The following CD22 variants were observed in gnomAD, a reference collection of about 807,000 sequenced individuals.
CD22 encodes CD22 molecule, also known as B-cell receptor CD22.
Under a neutral mutation model 94.7 loss-of-function variants are expected in CD22, and 51 were observed. The observed-to-expected ratio is 0.54, with a 90% CI of 0.43 to 0.68. The LOEUF (loss-of-function observed/expected upper bound fraction) is 0.68. CD22 is among the 30% of genes least tolerant of loss of function. The pLI is 0.00. For synonymous variants in CD22, 424 were observed against 422.5 expected, an observed-to-expected ratio of 1.00 and a Z score of -0.04; for missense variants, 931 against 1,060.4, an observed-to-expected ratio of 0.88 and a Z score of 1.69.
rs2066913084 is a variant in CD22 at position 35,346,638 on chromosome 19, G to T, written c.2485G>T (p.Gly829Trp). 1.2e-6 allele frequency: 2 copies of T among 1,608,242 alleles called. No homozygotes were observed. Among genetic ancestry groups the T allele is most frequent in the East Asian group, 4.5e-5 (2 of 44,782 alleles). The change falls in exon 14 of 14, where the codon GGG (glycine) becomes TGG (tryptophan). Residue 829 changes from glycine to tryptophan, a missense_variant. Gly to Trp is a radical substitution (Grantham distance 184). Coordinates refer to ENST00000085219, the MANE Select transcript of CD22 (RefSeq NM_001771.4). ...TCATTACTCAGAGCTGATCCAGTTTGGGGTCGGGGAGCGGCCTCAGGCACA... is the reference window on the plus strand; with the variant it reads ...TCATTACTCAGAGCTGATCCAGTTTTGGGTCGGGGAGCGGCCTCAGGCACA... ...GIHYSELIQFGVGERPQAQEN... is the reference protein window; with the variant it reads ...GIHYSELIQFWVGERPQAQEN...
In CD22 at chr19:35,336,301, G is replaced by A. The variant is rs772935945; in HGVS notation, c.678G>A (p.Gly226=). Residue 226 remains glycine (G), a synonymous_variant, in exon 4 of 14, where the codon GGG becomes GGA. Transcript: ENST00000085219. ...CCTGCCAGCTTCAGGATGCAGATGG[G>A]AAGTTCCTCTCCAATGACACGGTGC... The part of the protein sequence containing the change: ...IVTCQLQDAD[G]KFLSNDTVQL... 3.1e-6 allele frequency: 5 copies of A among 1,614,222 alleles called. No individual in the cohort carries two copies. Among genetic ancestry groups the A allele is most frequent in the Non-Finnish European group, 4.2e-6 (5 of 1,180,044 alleles).
At chr19:35,336,726 T>C (rs371943939) in intron 4 of CD22, 1 of 216,212 alleles carries the variant, frequency 4.6e-6, no homozygotes, top group South Asian at 9.2e-5. Context: ...GGTGCAGCAG[T>C]GAGCAAAACT....
chr19:35,337,841 A>C lies in CD22; in HGVS notation c.805A>C (p.Ser269Arg), dbSNP rs1178944511. ...TGTGACCATGACCTGCGAGGTCAGC[A>C]GCAGCAACCCGGAGTACACGACGGT... ...DSVTMTCEVS[S>R]SNPEYTTVSW... Residue 269 changes from serine to arginine, a missense_variant, in exon 5 of 14, where the codon AGC becomes CGC. Transcript: ENST00000085219. This position sits in a 1 kb window ranked among gnomAD's most constrained non-coding sequence, Gnocchi z 4.4. The C allele has an allele frequency of 6.2e-7, 1 of 1,614,014 alleles. No individual in the cohort carries two copies. Among genetic ancestry groups the C allele is most frequent in the South Asian group, 1.1e-5 (1 of 91,074 alleles).
rs2066918483 is a variant in CD22, at chr19:35,346,978, C to T, written c.*281C>T. 1 of 342,102 alleles carries T rather than the reference C, an allele frequency of 2.9e-6. No individual in the cohort carries two copies. 21.2% of individuals were successfully genotyped at this position (342,102 alleles called of 1,614,324 possible). A position where few individuals can be genotyped will look rare whatever the true frequency, so the allele number is the denominator to read the frequency against. Reference sequence around the variant, plus strand: ...ATCTAAATACCTGCCCTGACATGCACACCTCCCCCTGCCCCCACCACGGCC... The same window carrying T: ...ATCTAAATACCTGCCCTGACATGCATACCTCCCCCTGCCCCCACCACGGCC... On this transcript the variant is annotated 3_prime_UTR_variant, in exon 14 of 14. Transcript: ENST00000085219.
At position 35,336,469 on chromosome 19, in the gene CD22, C is replaced by T. The variant is rs532840348; in HGVS notation, c.718+128C>T. On this transcript the variant is annotated intron_variant, in intron 4 of 13. Transcript: ENST00000085219. ...CGGCGGCATCCTCCAGCCCTGGTCA[C>T]GCCGCCTTGTCAGCCCTGGTGTTTC... 68 of 802,628 alleles carry T rather than the reference C, an allele frequency of 8.5e-5. 1 individual carries two copies. In the South Asian group the frequency reaches 1.1e-3, roughly 13 times the overall value. 49.7% of individuals were successfully genotyped at this position (802,628 alleles called of 1,614,324 possible). A position where few individuals can be genotyped will look rare whatever the true frequency, so the allele number is the denominator to read the frequency against.
chr19:35,340,078 C>G (rs1181711380), intron 6 of CD22, among the ~76,000 whole-genome samples: 2 of 152,186 alleles, frequency 1.3e-5, no homozygotes, highest in Admixed American at 1.3e-4. Flanking sequence ...TCCTTGGACC[C>G]TGAGATGTCA....
At position 35,337,951 on chromosome 19, in the gene CD22, G is replaced by A. The variant is rs948647198; in HGVS notation, c.915G>A (p.Gly305=). The change falls in exon 5 of 14, where the codon GGG becomes GGA. Residue 305 remains glycine (G), a synonymous_variant. Transcript: ENST00000085219. The surrounding 1 kb of genome is among the most constrained non-coding windows in gnomAD (Gnocchi z 4.4). The part of the protein sequence containing the change: ...NLREVTKDQS[G]KYCCQVSNDV... ...GCGAAGTGACCAAGGACCAGAGTGG[G>A]AAGTACTGCTGTCAGGTCTCCAATG... The A allele has an allele frequency of 2.5e-6, 4 of 1,614,232 alleles. No homozygotes were observed. Among genetic ancestry groups the A allele is most frequent in the East Asian group, 2.2e-5 (1 of 44,894 alleles).
chr19:35,335,115 TG>T (rs1907218528), intron 3 of CD22, among the ~76,000 whole-genome samples: 1 of 132,542 alleles, frequency 7.5e-6, no homozygotes, highest in East Asian at 2.2e-4. Context: ...GGTGAGGTGG[TG>T]GGAATAGAAC....
chr19:35,345,032 A>G lies in CD22; in HGVS notation c.2133-19A>G, dbSNP rs368084768. On this transcript the variant is annotated intron_variant, in intron 10 of 13. Transcript: ENST00000085219. ...CCTGTGGAGTCCCTGACCCTCACAC[A>G]TGTGCCTTTATTTCTCAGTTGGAAG... 1.2e-6 allele frequency: 2 copies of G among 1,612,678 alleles called. No individual in the cohort carries two copies. The highest frequency in any genetic ancestry group is 1.7e-5 in the Admixed American group (1 of 59,984).
At chr19:35,334,364 C>G (rs56168913) in intron 3 of CD22, among the ~76,000 whole-genome samples, 3 of 151,812 alleles carry the variant, frequency 2.0e-5, no homozygotes, top group Non-Finnish European at 4.4e-5. Context: ...CCAAATGTAA[C>G]TAATCATGCA....
chr19:35,335,077 C>CAA (rs35391333), intron 3 of CD22, among the ~76,000 whole-genome samples: 165 of 73,270 alleles, frequency 2.3e-3, no homozygotes, highest in African/African-American at 3.8e-3. Flanking sequence ...GACTCTGTCT[C>CAA]AAAAAAAAAA....
intron 3 of CD22, among the ~76,000 whole-genome samples, chr19:35,334,874 C>T (rs967569955): frequency 6.6e-6 from 1 of 151,618 alleles, no homozygotes; most frequent in Non-Finnish European, 1.5e-5. Context: ...GTCAGGAGAT[C>T]GAGACCATCC....
rs749531319 is a variant in CD22 at position 35,338,495 on chromosome 19, G to A, written c.1249+64G>A. 7.9e-4 allele frequency: 1,227 copies of A among 1,543,590 alleles called. 10 individuals are homozygous for A. The highest frequency in any genetic ancestry group is 2.1e-3 in the Middle Eastern group (12 of 5,812). On this transcript the variant is annotated intron_variant, in intron 6 of 13. Coordinates refer to ENST00000085219, the MANE Select transcript of CD22 (RefSeq NM_001771.4). Reference sequence around the variant, plus strand: ...ATGGACACAGGGAACGGGGAAGGCAGATGGGGTGCAGGGCATTCCGGGGTC... The same window carrying A: ...ATGGACACAGGGAACGGGGAAGGCAAATGGGGTGCAGGGCATTCCGGGGTC...
chr19:35,339,081 C>T (rs1480272620), intron 6 of CD22, among the ~76,000 whole-genome samples: 2 of 151,592 alleles, frequency 1.3e-5, no homozygotes, highest in African/African-American at 2.4e-5. Context: ...CAAAAAAATA[C>T]AAAAATTAGC....
intron 11 of CD22, 59 bp from the exon 12 acceptor site, chr19:35,345,543 G>A (rs2066893008): frequency 9.3e-7 from 1 of 1,076,950 alleles, no homozygotes; most frequent in Non-Finnish European, 1.4e-6. Flanking sequence ...CAGAGGCCAG[G>A]GAAGGGGACG....
In CD22 at chr19:35,332,938, G is replaced by A. The variant is rs1289675699; in HGVS notation, c.412+14G>A. ...TCAATGTCTCTGGTAAGGCCTTCGGGGAGCGGGTCCTCTGCTCTGGGCAGG... is the reference window on the plus strand; with the variant it reads ...TCAATGTCTCTGGTAAGGCCTTCGGAGAGCGGGTCCTCTGCTCTGGGCAGG... On this transcript the variant is annotated intron_variant, in intron 3 of 13. Coordinates refer to ENST00000085219, the MANE Select transcript of CD22 (RefSeq NM_001771.4). 13 of 1,609,278 alleles carry A rather than the reference G, an allele frequency of 8.1e-6. No homozygotes were observed. Among genetic ancestry groups the A allele is most frequent in the Non-Finnish European group, 1.0e-5 (12 of 1,176,382 alleles).
At chr19:35,329,316 T>A in intron 1 of CD22, 86 bp downstream of exon 1, 1 of 882,856 alleles carries the variant, frequency 1.1e-6, no homozygotes, top group Non-Finnish European at 1.6e-6. Flanking sequence ...CTCCCAGAGC[T>A]GGGAACACAG....
chr19:35,333,089 G>A (rs989367551), intron 3 of CD22, 165 bp downstream of exon 3: 38 of 651,346 alleles, frequency 5.8e-5, no homozygotes, highest in South Asian at 1.9e-4. Context: ...ACAGAGCTGC[G>A]GGACCTCGGA....
intron 2 of CD22, chr19:35,332,327 C>T: frequency 3.1e-6 from 2 of 648,128 alleles, no homozygotes; most frequent in South Asian, 4.2e-5. Context: ...TTAGAAAGCT[C>T]TCTGCTGGGT....
Sources: gnomAD v4.1 joint callset for allele counts (sites outside exome capture counted in the v4.1 genomes callset) on GRCh38, gnomAD v4.1.1 for gene constraint, Gnocchi (gnomAD v3.1) non-coding constraint, MANE v1.5 for transcripts, NCBI Gene and HGNC (gene_info 2026-07-23, HGNC 2026-07-21) for gene names.